The following YWHAZ variants were observed in gnomAD, a reference collection of about 807,000 sequenced individuals.
YWHAZ encodes the protein 14-3-3 protein zeta/delta.
For missense variants in YWHAZ, 79 were observed against 284.8 expected (o/e 0.28, Z 5.20); for synonymous variants, 87 against 103.6 (o/e 0.84, Z 0.97).
rs745668712 is a variant in YWHAZ at position 100,948,833 on chromosome 8, A to G, written c.57T>C (p.Tyr19=). The change falls in exon 2 of 6, where the codon TAT becomes TAC. Residue 19 remains tyrosine (Y), a synonymous_variant. Transcript: ENST00000395958. The surrounding 1 kb of genome is among the most constrained non-coding windows in gnomAD (Gnocchi z 4.2). The part of the protein sequence containing the change: ...KAKLAEQAER[Y]DDMAACMKSV... ...ACTTCATGCAGGCTGCCATGTCATCATATCGCTCAGCCTGCTCGGCCAGTT... is the reference window on the plus strand; with the variant it reads ...ACTTCATGCAGGCTGCCATGTCATCGTATCGCTCAGCCTGCTCGGCCAGTT... 2.5e-6 allele frequency: 4 copies of G among 1,599,052 alleles called. No individual in the cohort carries two copies. In the African/African-American group the frequency reaches 5.3e-5, roughly 21 times the overall value.
chr8:100,949,643 T>TGTAA (rs1810561472), intron 1 of YWHAZ, among the ~76,000 whole-genome samples: 1 of 152,232 alleles, frequency 6.6e-6, no homozygotes, highest in African/African-American at 2.4e-5. Context: ...ACTCTTACTG[T>TGTAA]GAGTACTAGA....
At chr8:100,945,668 A>G (rs931771662) in intron 2 of YWHAZ, among the ~76,000 whole-genome samples, 19 of 152,182 alleles carry the variant, frequency 1.2e-4, no homozygotes, top group Non-Finnish European at 2.9e-5. Flanking sequence ...GTTCTGCTAC[A>G]TTTTATTCTT....
intron 2 of YWHAZ, among the ~76,000 whole-genome samples, chr8:100,941,366 C>T (rs530337988): frequency 2.6e-5 from 4 of 152,274 alleles, no homozygotes; most frequent in East Asian, 1.9e-4. Flanking sequence ...CTCAGAAAAG[C>T]GTTTGTAATT....
In YWHAZ at chr8:100,948,830, A is replaced by G. The variant is rs372427118; in HGVS notation, c.60T>C (p.Asp20=). ...AKLAEQAERY[D]DMAACMKSVT... ...CAGACTTCATGCAGGCTGCCATGTC[A>G]TCATATCGCTCAGCCTGCTCGGCCA... is the stretch of plus-strand genomic sequence containing the variant. Residue 20 remains aspartate, a synonymous_variant, in exon 2 of 6, where the codon GAT becomes GAC. Transcript: ENST00000395958. The surrounding 1 kb of genome is among the most constrained non-coding windows in gnomAD (Gnocchi z 4.2). 1 of 1,599,238 alleles carries G rather than the reference A, an allele frequency of 6.3e-7. No individual in the cohort carries two copies. The highest frequency in any genetic ancestry group is 8.5e-7 in the Non-Finnish European group (1 of 1,179,890).
intron 2 of YWHAZ, among the ~76,000 whole-genome samples, chr8:100,936,047 C>T (rs185066666): frequency 7.8e-4 from 119 of 152,288 alleles, no homozygotes; most frequent in Middle Eastern, 3.4e-3. Context: ...AGTATTTGTA[C>T]ATTCACCTCA....
At position 100,925,691 on chromosome 8, in the gene YWHAZ, GATC is replaced by G. The variant is rs561549484; in HGVS notation, c.295-655_295-653del. Among the ~76,000 whole-genome samples the G allele has an allele frequency of 5.3e-5, 8 of 152,272 alleles. No homozygotes were observed. In the East Asian group the frequency reaches 1.5e-3, roughly 29 times the overall value. On this transcript the variant is annotated intron_variant, in intron 2 of 5. Coordinates refer to ENST00000395958, the MANE Select transcript of YWHAZ (RefSeq NM_145690.3). ...TCGGCTAGTAAGATACACGATTACAGATCATCCCAGACAACAGATAAAATTAAA... is the reference window on the plus strand; with the variant it reads ...TCGGCTAGTAAGATACACGATTACAGATCCCAGACAACAGATAAAATTAAA...
chr8:100,951,024 G>A (rs1293379921), intron 1 of YWHAZ: 8 of 424,644 alleles, frequency 1.9e-5, no homozygotes, highest in Non-Finnish European at 2.5e-5. Flanking sequence ...CCCCGACCTG[G>A]ACTTGCAGCC....
chr8:100,920,825 C>T, intron 5 of YWHAZ, 73 bp from the exon 6 acceptor site: 1 of 1,093,474 alleles, frequency 9.1e-7, no homozygotes, highest in Non-Finnish European at 1.4e-6. Context: ...CATATAAGTG[C>T]CAAGATACCT....
rs1810437038 is a variant in YWHAZ, at chr8:100,948,044, C to A, written c.294+552G>T. ...AAATCAAGCTTGAGTTGTTCATAAC[C>A]TTTCATCATGGTTGTGAGTGTTCAA... On this transcript the variant is annotated intron_variant, in intron 2 of 5. Coordinates refer to ENST00000395958, the MANE Select transcript of YWHAZ (RefSeq NM_145690.3). This position sits in a 1 kb window ranked among gnomAD's most constrained non-coding sequence, Gnocchi z 4.2. 6.7e-7 allele frequency: 1 copy of A among 1,482,542 alleles called. No homozygotes were observed. The highest frequency in any genetic ancestry group is 1.4e-5 in the African/African-American group (1 of 71,672). The allele number at this position is 1,482,542 out of a possible 1,614,324, so 91.8% of individuals were successfully genotyped here.
Position 100,948,652 on chromosome 8 carries a change from G to C in YWHAZ, c.238C>G (p.Arg80Gly). The C allele has an allele frequency of 6.2e-7, 1 of 1,609,478 alleles. No individual in the cohort carries two copies. Among genetic ancestry groups the C allele is most frequent in the Non-Finnish European group, 8.5e-7 (1 of 1,179,846 alleles). The change falls in exon 2 of 6, where the codon CGA (arginine) becomes GGA (glycine). Residue 80 changes from arginine (R) to glycine (G), a missense_variant. Coordinates refer to ENST00000395958, the MANE Select transcript of YWHAZ (RefSeq NM_145690.3). The surrounding 1 kb of genome is among the most constrained non-coding windows in gnomAD (Gnocchi z 4.2). ...EGAEKKQQMA[R>G]EYREKIETEL... is the part of the protein sequence containing the mutation. ...GTCTCAATTTTCTCTCTGTATTCTC[G>C]AGCCATCTGCTGTTTTTTCTCAGCA... is the stretch of plus-strand genomic sequence containing the variant.
At chr8:100,951,073 A>C (rs1252753592) in intron 1 of YWHAZ, 2 of 806,952 alleles carry the variant, frequency 2.5e-6, no homozygotes, top group East Asian at 2.5e-4. Flanking sequence ...AAGGAGCAAA[A>C]AAAGTCAGAC....
At chr8:100,951,667 G>A (rs1055855028) in intron 1 of YWHAZ, 2 of 985,156 alleles carry the variant, frequency 2.0e-6, no homozygotes, top group African/African-American at 1.7e-5. Flanking sequence ...ACCCACCCCC[G>A]GGGGCAGGAC....
At chr8:100,930,243 C>G (rs1473911020) in intron 2 of YWHAZ, among the ~76,000 whole-genome samples, 1 of 152,190 alleles carries the variant, frequency 6.6e-6, no homozygotes, top group Admixed American at 6.5e-5. Context: ...GGACTGCAGG[C>G]ACATGCCATC....
At chr8:100,943,904 G>A (rs368602628) in intron 2 of YWHAZ, among the ~76,000 whole-genome samples, 8 of 150,402 alleles carry the variant, frequency 5.3e-5, no homozygotes, top group East Asian at 2.0e-4. Context: ...GGAGAATGGC[G>A]TGAGCCCGGA....
chr8:100,925,064 A>C, intron 2 of YWHAZ, 25 bp from the exon 3 acceptor site: 1 of 1,594,222 alleles, frequency 6.3e-7, no homozygotes. Flanking sequence ...AAACAGACAT[A>C]GTGAGAATAA....
chr8:100,947,268 A>C (rs190428244), intron 2 of YWHAZ, among the ~76,000 whole-genome samples: 2,516 of 151,482 alleles, frequency 0.017, 81 homozygotes, highest in African/African-American at 0.058. Flanking sequence ...AAAAAAAAAA[A>C]CAAAAAACAA....
At chr8:100,932,395 C>A (rs1813820113) in intron 2 of YWHAZ, among the ~76,000 whole-genome samples, 1 of 152,068 alleles carries the variant, frequency 6.6e-6, no homozygotes, top group Non-Finnish European at 1.5e-5. Flanking sequence ...TTCTCCCAAC[C>A]ATGGTACATA....
In YWHAZ at chr8:100,917,175, T is replaced by C. The variant is rs2130041866; in HGVS notation, c.*3518A>G. ...AAATTGGCTTTGACTCATTTTAAAATATGCATTGAGCCATGACAAGACTGG... is the reference window on the plus strand; with the variant it reads ...AAATTGGCTTTGACTCATTTTAAAACATGCATTGAGCCATGACAAGACTGG... On this transcript the variant is annotated 3_prime_UTR_variant, in exon 6 of 6. Transcript: ENST00000395958. 6.6e-6 allele frequency: 1 copy of C among 152,302 alleles called. No homozygotes were observed. Among genetic ancestry groups the C allele is most frequent in the African/African-American group, 2.4e-5 (1 of 41,574 alleles). 9.4% of individuals were successfully genotyped at this position (152,302 alleles called of 1,614,324 possible).
chr8:100,945,562 T>C (rs1810206470), intron 2 of YWHAZ, among the ~76,000 whole-genome samples: 1 of 152,070 alleles, frequency 6.6e-6, no homozygotes, highest in Non-Finnish European at 1.5e-5. Flanking sequence ...AAAATTATAA[T>C]TGATTTTTTA....
Sources: gnomAD v4.1 joint callset for allele counts (sites outside exome capture counted in the v4.1 genomes callset) on GRCh38, gnomAD v4.1.1 for gene constraint, Gnocchi (gnomAD v3.1) non-coding constraint, MANE v1.5 for transcripts, NCBI Gene and HGNC (gene_info 2026-07-23, HGNC 2026-07-21) for gene names.